Variants in SEM1 observed in about 807,000 individuals in gnomAD.
The protein encoded by SEM1 is 26S proteasome complex subunit SEM1.
SEM1 carries 3 observed loss-of-function variants against 12.7 expected under a neutral mutation model. The observed-to-expected ratio is 0.24, with a 90% CI of 0.11 to 0.61. The LOEUF is 0.61. SEM1 is among the 20% of genes least tolerant of loss of function. SEM1 has a pLI of 0.88. For synonymous variants in SEM1, 30 were observed against 27.8 expected (o/e 1.08, Z -0.25); for missense variants, 59 against 81.3 (o/e 0.73, Z 1.06).
At chr7:96,701,988 G>A (rs754172748) in intron 1 of SEM1, among the ~76,000 whole-genome samples, 3 of 152,078 alleles carry the variant, frequency 2.0e-5, no homozygotes, top group Middle Eastern at 3.2e-3. Flanking sequence ...TGGACAGAAC[G>A]AAGTCACCCA....
At chr7:96,486,617 A>G (rs1802782056) in intron 1 of SEM1, among the ~76,000 whole-genome samples, 1 of 152,254 alleles carries the variant, frequency 6.6e-6, no homozygotes, top group Admixed American at 6.5e-5. Flanking sequence ...CCTGACCCTC[A>G]GGCCTCTTTT....
chr7:96,523,204 C>CTT (rs1804341750), intron 2 of SEM1, among the ~76,000 whole-genome samples: 1 of 152,100 alleles, frequency 6.6e-6, no homozygotes, highest in African/African-American at 2.4e-5. Context: ...TTTTTGCTTG[C>CTT]AAGAATCTCA....
chr7:96,622,713 C>A (rs1416768741), intron 2 of SEM1: 1 of 732,922 alleles, frequency 1.4e-6, no homozygotes, highest in South Asian at 1.4e-5. Flanking sequence ...TCTGTTTGAC[C>A]ATCTGATCAG....
intron 2 of SEM1, among the ~76,000 whole-genome samples, chr7:96,551,773 G>A (rs1805284796): frequency 1.3e-5 from 2 of 151,318 alleles, no homozygotes; most frequent in South Asian, 4.2e-4. Context: ...TGAAGACAGA[G>A]GTAGATGTTG....
chr7:96,638,067 T>A (rs1308280561), intron 2 of SEM1, among the ~76,000 whole-genome samples: 1 of 152,034 alleles, frequency 6.6e-6, no homozygotes, highest in African/African-American at 2.4e-5. Context: ...GTCAAGCCAT[T>A]GTTTGCTACT....
At chr7:96,513,920 G>A (rs1804008827) in intron 2 of SEM1, among the ~76,000 whole-genome samples, 1 of 151,976 alleles carries the variant, frequency 6.6e-6, no homozygotes, top group African/African-American at 2.4e-5. Flanking sequence ...ATACTACTAT[G>A]AAGCTTGCTT....
intron 1 of SEM1, among the ~76,000 whole-genome samples, chr7:96,704,690 T>A (rs1429611360): frequency 6.6e-6 from 1 of 152,208 alleles, no homozygotes; most frequent in Non-Finnish European, 1.5e-5. Flanking sequence ...AATTCAAATG[T>A]TTAATGGTTA....
chr7:96,493,294 C>T (rs1210922355), intron 1 of SEM1, among the ~76,000 whole-genome samples: 4 of 151,964 alleles, frequency 2.6e-5, no homozygotes, highest in Non-Finnish European at 5.9e-5. Flanking sequence ...TTAATTGAAG[C>T]TACCATAATC....
chr7:96,583,105 A>G lies in SEM1; in HGVS notation c.171-76407T>C, dbSNP rs566394843. Among the ~76,000 whole-genome samples, 29 of 151,762 alleles carry G rather than the reference A, an allele frequency of 1.9e-4. No individual in the cohort carries two copies. In the South Asian group the frequency reaches 5.0e-3, roughly 26 times the overall value. Reference sequence around the variant, plus strand: ...ATCTTTCCTGCTTTCTCTTGTGGGCATTTAGTGCTATAAATTTCCCTCTAC... The same window carrying G: ...ATCTTTCCTGCTTTCTCTTGTGGGCGTTTAGTGCTATAAATTTCCCTCTAC... On this transcript the variant is annotated intron_variant and NMD_transcript_variant, in intron 2 of 3. Transcript: ENST00000466986.
intron 2 of SEM1, among the ~76,000 whole-genome samples, chr7:96,558,587 G>C (rs1805601484): frequency 6.6e-6 from 1 of 152,154 alleles, no homozygotes; most frequent in African/African-American, 2.4e-5. Context: ...TTCTTAAAGA[G>C]CTGTCTACGA....
At chr7:96,705,359 CAAAAAA>C (rs34525327) in intron 1 of SEM1, among the ~76,000 whole-genome samples, 1 of 142,192 alleles carries the variant, frequency 7.0e-6, no homozygotes, top group Non-Finnish European at 1.5e-5. Context: ...GCTTCTCTCT[CAAAAAA>C]AAAAAAAAAA....
At chr7:96,505,645 A>G (rs1440747090) in intron 3 of SEM1, among the ~76,000 whole-genome samples, 1 of 152,158 alleles carries the variant, frequency 6.6e-6, no homozygotes, top group Non-Finnish European at 1.5e-5. Flanking sequence ...TTGATTTCTC[A>G]CATTTCTGGT....
chr7:96,537,959 C>A, intron 2 of SEM1, among the ~76,000 whole-genome samples: 1 of 151,614 alleles, frequency 6.6e-6, no homozygotes, highest in East Asian at 1.9e-4. Flanking sequence ...CTTTGGGGTT[C>A]TATTCTGTTT....
intron 2 of SEM1, among the ~76,000 whole-genome samples, chr7:96,679,254 GTTC>G (rs1296722089): frequency 6.6e-6 from 1 of 151,984 alleles, no homozygotes; most frequent in Admixed American, 6.6e-5. Flanking sequence ...AGAAGCAATT[GTTC>G]TTCTCATAAA....
chr7:96,576,313 T>G (rs1806203048), intron 2 of SEM1, among the ~76,000 whole-genome samples: 1 of 152,220 alleles, frequency 6.6e-6, no homozygotes, highest in Admixed American at 6.5e-5. Flanking sequence ...AAGATTTATC[T>G]TTATTGTGTA....
intron 2 of SEM1, among the ~76,000 whole-genome samples, chr7:96,537,805 G>A (rs555909529): frequency 6.6e-6 from 1 of 151,516 alleles, no homozygotes; most frequent in Admixed American, 6.6e-5. Flanking sequence ...GAGCTTCCTG[G>A]ATCTGTGGTT....
At chr7:96,698,812 C>A (rs887953659) in intron 1 of SEM1, among the ~76,000 whole-genome samples, 6 of 152,196 alleles carry the variant, frequency 3.9e-5, no homozygotes, top group Admixed American at 3.9e-4. Flanking sequence ...ATGGTTATTT[C>A]TAGTTCTAGA....
At chr7:96,561,149 T>G (rs151337962) in intron 2 of SEM1, among the ~76,000 whole-genome samples, 1 of 152,318 alleles carries the variant, frequency 6.6e-6, no homozygotes, top group African/African-American at 2.4e-5. Flanking sequence ...ACCATTACTC[T>G]TTTTTAAGAA....
At chr7:96,582,842 G>A (rs543027251) in intron 2 of SEM1, among the ~76,000 whole-genome samples, 33 of 152,038 alleles carry the variant, frequency 2.2e-4, no homozygotes, top group African/African-American at 4.3e-4. Context: ...TTTTTATTGC[G>A]TCTATTTGAT....
Sources: allele counts gnomAD v4.1 joint callset (sites outside exome capture counted in the v4.1 genomes callset), GRCh38; gene constraint gnomAD v4.1.1; transcripts MANE v1.5; gene names NCBI Gene and HGNC (gene_info 2026-07-23, HGNC 2026-07-21).